The following CADM2 variants were observed in gnomAD, a reference collection of about 807,000 sequenced individuals.
CADM2 encodes the protein cell adhesion molecule 2.
In CADM2, 12 loss-of-function variants were observed where a neutral mutation model predicts 49.8. That is an observed-to-expected ratio of 0.24 (90% confidence interval 0.15 to 0.39). CADM2 has a LOEUF of 0.39. Among genes scored for constraint, CADM2 ranks in the 10% least tolerant of loss-of-function variants. The pLI is 1.00. For synonymous variants in CADM2, 214 were observed against 175.4 expected (o/e 1.22, Z -1.74); for missense variants, 378 against 492.3 (o/e 0.77, Z 2.20).
intron 8 of CADM2, among the ~76,000 whole-genome samples, chr3:86,002,260 G>C (rs879595126): frequency 2.6e-5 from 4 of 152,156 alleles, no homozygotes; most frequent in Non-Finnish European, 5.9e-5. Context: ...CAGTGCAAAT[G>C]AGGAATCCTT....
intron 5 of CADM2, among the ~76,000 whole-genome samples, chr3:85,904,412 G>A (rs1314639405): frequency 6.6e-6 from 1 of 152,176 alleles, no homozygotes; most frequent in Admixed American, 6.5e-5. Flanking sequence ...GGAAAGGACC[G>A]TAGTCCTTCG....
chr3:85,517,231 A>G (rs1052602830), intron 1 of CADM2, among the ~76,000 whole-genome samples: 21 of 152,072 alleles, frequency 1.4e-4, no homozygotes, highest in African/African-American at 4.8e-4. Flanking sequence ...TTTTATACAT[A>G]AAATACTTCA....
intron 1 of CADM2, among the ~76,000 whole-genome samples, chr3:84,993,560 A>C (rs1486946672): frequency 6.6e-6 from 1 of 152,198 alleles, no homozygotes; most frequent in Non-Finnish European, 1.5e-5. Context: ...GTGGTGCACC[A>C]TCAGGAAAGG....
intron 1 of CADM2, among the ~76,000 whole-genome samples, chr3:85,224,143 G>C (rs1001708183): frequency 3.9e-5 from 6 of 152,054 alleles, no homozygotes; most frequent in African/African-American, 1.4e-4. Context: ...TGGGTCAAAT[G>C]GTATTTCTGG....
At chr3:85,517,124 T>C (rs2060923236) in intron 1 of CADM2, among the ~76,000 whole-genome samples, 1 of 151,956 alleles carries the variant, frequency 6.6e-6, no homozygotes, top group Non-Finnish European at 1.5e-5. Context: ...ATCATGGATC[T>C]ATAATAACCT....
chr3:85,596,637 A>C (rs771703650), intron 1 of CADM2, among the ~76,000 whole-genome samples: 7 of 152,068 alleles, frequency 4.6e-5, no homozygotes, highest in Non-Finnish European at 8.8e-5. Flanking sequence ...TTTTCAGTGC[A>C]CAGTGCAGCC....
At chr3:85,020,633 G>A (rs920740217) in intron 1 of CADM2, among the ~76,000 whole-genome samples, 3 of 152,024 alleles carry the variant, frequency 2.0e-5, no homozygotes, top group East Asian at 3.9e-4. Flanking sequence ...CTCAATAATT[G>A]TTTAAAAAAT....
At chr3:85,741,886 A>G (rs886976183) in intron 2 of CADM2, among the ~76,000 whole-genome samples, 6 of 152,222 alleles carry the variant, frequency 3.9e-5, no homozygotes, top group Non-Finnish European at 8.8e-5. Flanking sequence ...TACATTTCAT[A>G]AATCAGTTGA....
chr3:85,540,635 T>C (rs959789828), intron 1 of CADM2, among the ~76,000 whole-genome samples: 1 of 152,270 alleles, frequency 6.6e-6, no homozygotes, highest in South Asian at 2.1e-4. Context: ...TAAAGATTAA[T>C]CTCATTTATC....
At chr3:85,105,635 A>G (rs2038191530) in intron 1 of CADM2, among the ~76,000 whole-genome samples, 1 of 152,230 alleles carries the variant, frequency 6.6e-6, no homozygotes, top group Admixed American at 6.5e-5. Context: ...CTATAAAGAC[A>G]CATGCACACT....
chr3:85,148,825 T>C (rs571817724), intron 1 of CADM2, among the ~76,000 whole-genome samples: 10 of 152,276 alleles, frequency 6.6e-5, no homozygotes, highest in South Asian at 6.2e-4. Context: ...AAGTATAAGC[T>C]GATACTAAAT....
chr3:85,982,592 C>A (rs1435730727), intron 8 of CADM2, among the ~76,000 whole-genome samples: 2 of 151,712 alleles, frequency 1.3e-5, no homozygotes, highest in Non-Finnish European at 2.9e-5. Context: ...GACTCACCTG[C>A]ATCATTAATA....
At position 86,067,878 on chromosome 3, in the gene CADM2, AT is replaced by A. The variant is rs946004019; in HGVS notation, c.*1098del. The A allele has an allele frequency of 6.6e-6, 1 of 152,444 alleles. No individual in the cohort carries two copies. Among genetic ancestry groups the A allele is most frequent in the African/African-American group, 2.4e-5 (1 of 41,448 alleles). The allele number at this position is 152,444 out of a possible 1,614,324, so 9.4% of individuals were successfully genotyped here. A position where few individuals can be genotyped will look rare whatever the true frequency, so the allele number is the denominator to read the frequency against. ...ATTTTTCTAGTTCTTGTTAATTTTT[AT>A]TTGTTATACAATGGAAGCACAATGT... On this transcript the variant is annotated 3_prime_UTR_variant, in exon 10 of 10. Coordinates refer to ENST00000383699, the MANE Select transcript of CADM2 (RefSeq NM_001167675.2).
chr3:85,865,555 C>T (rs2075691725), intron 3 of CADM2, among the ~76,000 whole-genome samples: 1 of 152,142 alleles, frequency 6.6e-6, no homozygotes, highest in Admixed American at 6.6e-5. Flanking sequence ...CAAATAAATA[C>T]TTAGTGCACT....
intron 1 of CADM2, among the ~76,000 whole-genome samples, chr3:85,592,099 T>C (rs1193408994): frequency 6.6e-5 from 10 of 151,960 alleles, no homozygotes; most frequent in African/African-American, 1.9e-4. Context: ...CCAGCAAATG[T>C]TTGCAAAGAG....
chr3:84,962,879 T>A (rs565190476), intron 1 of CADM2, among the ~76,000 whole-genome samples: 12 of 152,200 alleles, frequency 7.9e-5, no homozygotes, highest in Non-Finnish European at 1.2e-4. Context: ...TTATCACCTA[T>A]ATTTTTTACC....
At chr3:85,604,561 G>C (rs116308720) in intron 1 of CADM2, among the ~76,000 whole-genome samples, 2,400 of 151,994 alleles carry the variant, frequency 0.016, 70 homozygotes, top group African/African-American at 0.055. Flanking sequence ...CAATGAACTA[G>C]GTGCCACTGA....
At position 85,226,607 on chromosome 3, in the gene CADM2, T is replaced by TG. The variant is rs1553698163; in HGVS notation, c.61+266939_61+266940insG. Among the ~76,000 whole-genome samples the TG allele has an allele frequency of 1.8e-3, 268 of 152,100 alleles. 1 individual carries two copies. The highest frequency in any genetic ancestry group is 6.8e-3 in the Middle Eastern group (2 of 294). On this transcript the variant is annotated intron_variant, in intron 1 of 9. Transcript: ENST00000383699. ...TTGATATTTTGAAGAGTTTTTTTTT[T>TG]TGTGTGTGTGTCTATCTCCTTCAGT...
chr3:85,297,553 A>G (rs142698947), intron 1 of CADM2, among the ~76,000 whole-genome samples: 1 of 152,154 alleles, frequency 6.6e-6, no homozygotes, highest in Non-Finnish European at 1.5e-5. Flanking sequence ...GGTCTCAGCC[A>G]AGCAGCTGAG....
Sources: gnomAD v4.1 joint callset for allele counts (sites outside exome capture counted in the v4.1 genomes callset) on GRCh38, gnomAD v4.1.1 for gene constraint, MANE v1.5 for transcripts, NCBI Gene and HGNC (gene_info 2026-07-23, HGNC 2026-07-21) for gene names.